The following EYS variants were observed in gnomAD, a reference collection of about 807,000 sequenced individuals.
EYS encodes the protein protein eyes shut homolog.
A neutral mutation model predicts 282.1 loss-of-function variants in EYS; 250 were observed. The observed-to-expected ratio is 0.89, with a 90% CI of 0.80 to 0.98. The LOEUF is 0.98. Ranked by LOEUF, EYS falls within the 50% of genes least tolerant of loss-of-function variation. EYS has a pLI of 0.00. For synonymous variants in EYS, 1,355 were observed against 1,282.9 expected, an observed-to-expected ratio of 1.06 and a Z score of -1.20; for missense variants, 4,016 against 3,709.0, an observed-to-expected ratio of 1.08 and a Z score of -2.15.
At chr6:64,240,292 G>A (rs1356222456) in intron 30 of EYS, among the ~76,000 whole-genome samples, 3 of 152,072 alleles carry the variant, frequency 2.0e-5, no homozygotes, top group African/African-American at 7.2e-5. Flanking sequence ...TTCTCTGAAG[G>A]AAGTCAATGA....
intron 33 of EYS, among the ~76,000 whole-genome samples, chr6:64,017,671 G>A (rs1768961063): frequency 6.6e-6 from 1 of 152,242 alleles, no homozygotes; most frequent in Middle Eastern, 3.4e-3. Flanking sequence ...TTCTTTACCT[G>A]CTGTCTGCTC....
intron 26 of EYS, among the ~76,000 whole-genome samples, chr6:64,586,197 C>A (rs1414896540): frequency 2.0e-5 from 3 of 151,966 alleles, no homozygotes; most frequent in African/African-American, 7.2e-5. Context: ...GTGAGTTCAG[C>A]CCTTTTGGCA....
At chr6:64,581,492 T>C (rs1766066540) in intron 26 of EYS, among the ~76,000 whole-genome samples, 1 of 152,188 alleles carries the variant, frequency 6.6e-6, no homozygotes, top group Admixed American at 6.6e-5. Context: ...TTATTTGCTG[T>C]TTAATGTCAT....
At chr6:65,313,963 T>C (rs61066046) in intron 11 of EYS, among the ~76,000 whole-genome samples, 7,416 of 152,264 alleles carry the variant, frequency 0.049, 341 homozygotes, top group African/African-American at 0.12. Flanking sequence ...ACGACTATTG[T>C]CCTTGTCTCC....
At chr6:65,017,734 A>G (rs771723756) in intron 13 of EYS, among the ~76,000 whole-genome samples, 4 of 152,258 alleles carry the variant, frequency 2.6e-5, no homozygotes, top group Non-Finnish European at 5.9e-5. Flanking sequence ...AGCTGTCTAA[A>G]CCACAAAATG....
chr6:63,895,939 A>T (rs1773528771), intron 35 of EYS, among the ~76,000 whole-genome samples: 1 of 126,976 alleles, frequency 7.9e-6, no homozygotes, highest in South Asian at 2.5e-4. Flanking sequence ...TTTTTCAGAA[A>T]GCTTTTTATA....
At chr6:64,338,934 T>C (rs888737111) in intron 29 of EYS, among the ~76,000 whole-genome samples, 2 of 150,668 alleles carry the variant, frequency 1.3e-5, no homozygotes, top group African/African-American at 2.5e-5. Context: ...TAGCCACATA[T>C]AGGAGAATGA....
rs192810678 is a variant in EYS, at chr6:64,610,472, C to T, written c.3684+6946G>A. 2.8e-3 allele frequency among the ~76,000 whole-genome samples: 401 copies of T among 144,036 alleles called. 2 individuals carry two copies. The highest frequency in any genetic ancestry group is 9.7e-3 in the African/African-American group (374 of 38,542). The allele number at this position is 144,036 out of a possible 152,430, so 94.5% of individuals were successfully genotyped here. A position where few individuals can be genotyped will look rare whatever the true frequency, so the allele number is the denominator to read the frequency against. Reference sequence around the variant, plus strand: ...AGGCTGGAGTGCAGTGGCAAGATCTCGGCTCACTGCCAGCTCCAAATCCCC... The same window carrying T: ...AGGCTGGAGTGCAGTGGCAAGATCTTGGCTCACTGCCAGCTCCAAATCCCC... On this transcript the variant is annotated intron_variant, in intron 24 of 42. Coordinates refer to ENST00000503581, the MANE Select transcript of EYS (RefSeq NM_001142800.2).
intron 14 of EYS, among the ~76,000 whole-genome samples, chr6:64,982,391 A>C (rs1770706421): frequency 6.6e-6 from 1 of 151,362 alleles, no homozygotes; most frequent in Admixed American, 6.6e-5. Flanking sequence ...CAACATTAAG[A>C]ATCATTTATT....
chr6:65,058,181 C>T (rs896891088), intron 12 of EYS, among the ~76,000 whole-genome samples: 1 of 152,036 alleles, frequency 6.6e-6, no homozygotes, highest in African/African-American at 2.4e-5. Context: ...GAGGGAATCT[C>T]GCTCCGTCTC....
chr6:64,336,057 T>A (rs1770841772), intron 29 of EYS, among the ~76,000 whole-genome samples: 1 of 151,566 alleles, frequency 6.6e-6, no homozygotes, highest in Non-Finnish European at 1.5e-5. Context: ...ACGTATAAAA[T>A]GAGAATACAA....
intron 12 of EYS, among the ~76,000 whole-genome samples, chr6:65,082,308 G>A (rs1561956539): frequency 6.6e-6 from 1 of 152,004 alleles, no homozygotes; most frequent in East Asian, 1.9e-4. Flanking sequence ...TATGGATATA[G>A]TCCACATAAA....
chr6:64,819,640 G>A (rs950422280), intron 21 of EYS, among the ~76,000 whole-genome samples: 17 of 151,744 alleles, frequency 1.1e-4, no homozygotes, highest in African/African-American at 4.1e-4. Context: ...TTCTATAATT[G>A]TAGATGAGAA....
chr6:64,180,473 C>T (rs1764757611), intron 31 of EYS, among the ~76,000 whole-genome samples: 1 of 152,108 alleles, frequency 6.6e-6, no homozygotes, highest in African/African-American at 2.4e-5. Context: ...AGGTTTGTTA[C>T]ATGGGTAAAC....
intron 11 of EYS, among the ~76,000 whole-genome samples, chr6:65,332,746 T>C (rs1769841584): frequency 6.6e-6 from 1 of 151,390 alleles, no homozygotes; most frequent in Non-Finnish European, 1.5e-5. Flanking sequence ...AATGTCTCAG[T>C]GAAGTCATCT....
At chr6:64,446,141 A>G (rs1226797825) in intron 26 of EYS, among the ~76,000 whole-genome samples, 1 of 152,180 alleles carries the variant, frequency 6.6e-6, no homozygotes, top group Non-Finnish European at 1.5e-5. Flanking sequence ...CTAGCCATTT[A>G]AAAATTTACT....
At chr6:63,882,479 T>G (rs569555434) in intron 35 of EYS, among the ~76,000 whole-genome samples, 1 of 152,228 alleles carries the variant, frequency 6.6e-6, no homozygotes, top group Non-Finnish European at 1.5e-5. Context: ...TTGCTTTATT[T>G]ATTCATTCAT....
intron 26 of EYS, among the ~76,000 whole-genome samples, chr6:64,469,553 T>C (rs545666270): frequency 6.6e-6 from 1 of 152,168 alleles, no homozygotes; most frequent in East Asian, 1.9e-4. Flanking sequence ...GTGCGAGCCT[T>C]CTGTTATGTC....
At chr6:64,973,277 T>G (rs1397945846) in intron 14 of EYS, among the ~76,000 whole-genome samples, 1 of 152,042 alleles carries the variant, frequency 6.6e-6, no homozygotes, top group Non-Finnish European at 1.5e-5. Flanking sequence ...ACTACCCTTC[T>G]ATGTACTAGG....
Sources: gnomAD v4.1 joint callset for allele counts (sites outside exome capture counted in the v4.1 genomes callset) on GRCh38, gnomAD v4.1.1 for gene constraint, MANE v1.5 for transcripts, NCBI Gene and HGNC (gene_info 2026-07-23, HGNC 2026-07-21) for gene names.